The following GALNT13 variants were observed in gnomAD, a reference collection of about 807,000 sequenced individuals.
The protein encoded by GALNT13 is UDP-GalNAc:polypeptide N-acetylgalactosaminyltransferase 13.
Under a neutral mutation model 64.2 loss-of-function variants are expected in GALNT13, and 28 were observed. That is an observed-to-expected ratio of 0.44 (90% CI 0.32 to 0.60). The LOEUF is 0.60. Ranked by LOEUF, GALNT13 falls within the 20% of genes least tolerant of loss-of-function variation. The pLI is 0.05. For missense variants in GALNT13, 577 were observed against 669.8 expected (o/e 0.86, Z 1.53); for synonymous variants, 214 against 224.6 (o/e 0.95, Z 0.42).
At chr2:153,252,768 G>A in the GALNT13 span, among the ~76,000 whole-genome samples, 5 of 152,324 alleles carry the variant, frequency 3.3e-5, no homozygotes, top group East Asian at 7.7e-4. Flanking sequence ...GTTTGTCAAA[G>A]ATCTGATAGT....
the GALNT13 span, among the ~76,000 whole-genome samples, chr2:153,191,650 C>A: frequency 6.7e-6 from 1 of 149,774 alleles, no homozygotes; most frequent in Non-Finnish European, 1.5e-5. Flanking sequence ...GGTACTTGTT[C>A]TTATAACTTC....
the GALNT13 span, among the ~76,000 whole-genome samples, chr2:153,112,205 T>C: frequency 6.6e-5 from 10 of 152,264 alleles, no homozygotes; most frequent in Admixed American, 1.3e-4. Context: ...TTTGCGAGTT[T>C]GGGTAGAATA....
At chr2:154,287,444 C>G in intron 8 of GALNT13, 1 of 409,998 alleles carries the variant, frequency 2.4e-6, no homozygotes, top group South Asian at 2.3e-5. Context: ...CCTGCCTTCA[C>G]CTCTGAGGGC....
the GALNT13 span, among the ~76,000 whole-genome samples, chr2:153,268,491 G>C: frequency 1.3e-5 from 2 of 152,216 alleles, no homozygotes; most frequent in African/African-American, 2.4e-5. Flanking sequence ...CTGGCATTGA[G>C]TGCCTGAGGC....
chr2:153,675,859 T>A, the GALNT13 span, among the ~76,000 whole-genome samples: 1 of 152,040 alleles, frequency 6.6e-6, no homozygotes, highest in African/African-American at 2.4e-5. Context: ...GGGACATGGC[T>A]AAAGCAGTGC....
At chr2:153,677,990 C>T in the GALNT13 span, among the ~76,000 whole-genome samples, 1 of 151,782 alleles carries the variant, frequency 6.6e-6, no homozygotes, top group Non-Finnish European at 1.5e-5. Flanking sequence ...TAATGACAGG[C>T]TCCAAAAGGA....
At chr2:153,296,597 A>G in the GALNT13 span, among the ~76,000 whole-genome samples, 1 of 152,164 alleles carries the variant, frequency 6.6e-6, no homozygotes, top group Non-Finnish European at 1.5e-5. Context: ...TTGCCATTAT[A>G]CTCAAGTGGC....
At chr2:153,201,039 G>A in the GALNT13 span, among the ~76,000 whole-genome samples, 1 of 152,170 alleles carries the variant, frequency 6.6e-6, no homozygotes, top group South Asian at 2.1e-4. Context: ...TTCTCTTAGA[G>A]AGTGAACAGT....
intron 4 of GALNT13, among the ~76,000 whole-genome samples, chr2:154,157,230 T>C (rs188909910): frequency 6.6e-6 from 1 of 152,198 alleles, no homozygotes; most frequent in Admixed American, 6.5e-5. Flanking sequence ...CATCTACCCA[T>C]TTACTTGAAT....
chr2:153,845,625 C>T, the GALNT13 span, among the ~76,000 whole-genome samples: 1 of 152,014 alleles, frequency 6.6e-6, no homozygotes. Flanking sequence ...TATCAAGAGA[C>T]ATGATGAAAG....
the GALNT13 span, among the ~76,000 whole-genome samples, chr2:153,723,256 C>A: frequency 4.6e-4 from 69 of 148,454 alleles, no homozygotes; most frequent in Non-Finnish European, 7.3e-4. Context: ...TTCAACAACC[C>A]TTCATGCTAA....
At chr2:153,403,748 G>A in the GALNT13 span, among the ~76,000 whole-genome samples, 8 of 152,170 alleles carry the variant, frequency 5.3e-5, no homozygotes, top group African/African-American at 9.7e-5. Flanking sequence ...CTGACCCCTT[G>A]CGCTTCCCAA....
chr2:153,815,109 G>A, the GALNT13 span, among the ~76,000 whole-genome samples: 130 of 152,256 alleles, frequency 8.5e-4, no homozygotes, highest in Middle Eastern at 0.017. Context: ...CCTGTCTTCT[G>A]TCATTGTTTC....
chr2:153,601,631 T>C, the GALNT13 span, among the ~76,000 whole-genome samples: 4 of 151,632 alleles, frequency 2.6e-5, no homozygotes, highest in African/African-American at 4.8e-5. Context: ...TGGTTATAAA[T>C]GAAATGAAAG....
chr2:153,715,353 G>C, the GALNT13 span, among the ~76,000 whole-genome samples: 2 of 152,326 alleles, frequency 1.3e-5, no homozygotes, highest in East Asian at 3.9e-4. Flanking sequence ...CAGAGGTAGC[G>C]GCTGATTGCT....
At chr2:154,350,017 A>G (rs1696302381) in intron 9 of GALNT13, among the ~76,000 whole-genome samples, 2 of 152,244 alleles carry the variant, frequency 1.3e-5, no homozygotes, top group Admixed American at 1.3e-4. Context: ...CCTAAAGTCT[A>G]TGGGATTCAA....
At chr2:153,693,799 A>C in the GALNT13 span, among the ~76,000 whole-genome samples, 1 of 152,138 alleles carries the variant, frequency 6.6e-6, no homozygotes. Context: ...TCTCACGCTC[A>C]GTAAATCTAT....
chr2:153,686,387 T>TGGCAACTGTGA, the GALNT13 span, among the ~76,000 whole-genome samples: 1 of 151,988 alleles, frequency 6.6e-6, no homozygotes, highest in African/African-American at 2.4e-5. Context: ...TATTCCTAGG[T>TGGCAACTGTGA]ATTTTATTAT....
At chr2:153,766,860 T>C in the GALNT13 span, among the ~76,000 whole-genome samples, 1 of 152,116 alleles carries the variant, frequency 6.6e-6, no homozygotes, top group African/African-American at 2.4e-5. Flanking sequence ...TGCCACTTCA[T>C]AGAACTCCAT....
Sources: gnomAD v4.1 joint callset for allele counts (sites outside exome capture counted in the v4.1 genomes callset) on GRCh38, gnomAD v4.1.1 for gene constraint, MANE v1.5 for transcripts, NCBI Gene and HGNC (gene_info 2026-07-23, HGNC 2026-07-21) for gene names.